EVL: variants seen among roughly 807,000 people sequenced by gnomAD.
EVL encodes ena/VASP-like protein.
A neutral mutation model predicts 59.6 loss-of-function variants in EVL; 21 were observed. The observed-to-expected ratio is 0.35, with a 90% CI of 0.25 to 0.51. EVL has a LOEUF of 0.51. EVL is among the 20% of genes least tolerant of loss of function. The probability of loss-of-function intolerance (pLI) is 0.97; values close to 1 mark genes in which losing one functional copy is unlikely to be tolerated. For missense variants in EVL, 462 were observed against 546.6 expected, an observed-to-expected ratio of 0.85 and a Z score of 1.54; for synonymous variants, 198 against 203.5, an observed-to-expected ratio of 0.97 and a Z score of 0.23.
At chr14:100,125,691 G>T (rs1888029961) in intron 4 of EVL, among the ~76,000 whole-genome samples, 1 of 151,992 alleles carries the variant, frequency 6.6e-6, no homozygotes, top group African/African-American at 2.4e-5. Context: ...GAGTAGCTGG[G>T]ATTACAGGCG....
chr14:100,122,802 A>G (rs940285677), intron 3 of EVL, among the ~76,000 whole-genome samples: 7 of 152,254 alleles, frequency 4.6e-5, no homozygotes, highest in African/African-American at 1.7e-4. Flanking sequence ...AGCCCTGCAC[A>G]GGCCCCAGCT....
chr14:100,039,140 AAAAATAG>A, intron 1 of EVL, among the ~76,000 whole-genome samples: 1 of 152,244 alleles, frequency 6.6e-6, no homozygotes, highest in East Asian at 1.9e-4. Context: ...CAAATATTTT[AAAAATAG>A]GATTCCTCAT....
chr14:99,976,357 A>G (rs76898502), intron 1 of EVL, among the ~76,000 whole-genome samples: 4,108 of 151,884 alleles, frequency 0.027, 84 homozygotes, highest in Non-Finnish European at 0.042. Context: ...TTATATTTCT[A>G]TTTGTTTCTG....
intron 3 of EVL, among the ~76,000 whole-genome samples, chr14:100,103,751 C>G (rs986692019): frequency 6.6e-6 from 1 of 152,170 alleles, no homozygotes; most frequent in Non-Finnish European, 1.5e-5. Flanking sequence ...GGCAGAGACA[C>G]AGCAGCTGAC....
chr14:99,974,748 G>A (rs963955009), intron 1 of EVL: 11 of 152,482 alleles, frequency 7.2e-5, no homozygotes, highest in African/African-American at 2.4e-4. Flanking sequence ...CTCCTTGGAT[G>A]GTAGTAGGTA....
chr14:100,105,142 G>C (rs890542254), intron 3 of EVL, among the ~76,000 whole-genome samples: 1 of 151,954 alleles, frequency 6.6e-6, no homozygotes, highest in African/African-American at 2.4e-5. Context: ...ATGCTACTTA[G>C]CATGTTTTAT....
chr14:100,011,752 T>C (rs1286123948), intron 1 of EVL, among the ~76,000 whole-genome samples: 2 of 152,214 alleles, frequency 1.3e-5, no homozygotes, highest in African/African-American at 2.4e-5. Context: ...AAGTTGCTCT[T>C]AAGGATAATC....
chr14:100,117,818 T>C (rs1000017650), intron 3 of EVL, among the ~76,000 whole-genome samples: 17 of 152,330 alleles, frequency 1.1e-4, no homozygotes, highest in African/African-American at 3.6e-4. Context: ...GGCCCAGTCC[T>C]CAGCTCAGCC....
intron 1 of EVL, among the ~76,000 whole-genome samples, chr14:100,066,054 A>G (rs867938258): frequency 6.6e-6 from 1 of 151,578 alleles, no homozygotes; most frequent in Admixed American, 6.6e-5. Context: ...TACAAACCGC[A>G]CTCCTCATTG....
intron 1 of EVL, among the ~76,000 whole-genome samples, chr14:100,069,218 T>A (rs1160085516): frequency 1.3e-5 from 2 of 152,236 alleles, no homozygotes; most frequent in East Asian, 3.8e-4. Flanking sequence ...CCAAAGTTGC[T>A]ACTCAGTGGA....
chr14:100,142,038 C>T, intron 13 of EVL: 1 of 391,530 alleles, frequency 2.6e-6, no homozygotes. Flanking sequence ...TTCCACATCC[C>T]CGGCACCTTC....
intron 2 of EVL, 113 bp from the exon 3 acceptor site, chr14:100,097,368 A>C: frequency 1.1e-6 from 1 of 907,708 alleles, no homozygotes. Flanking sequence ...TTCAAACCCC[A>C]TCCCCATCTT....
intron 1 of EVL, among the ~76,000 whole-genome samples, chr14:100,031,333 T>C (rs921176702): frequency 4.6e-5 from 7 of 152,232 alleles, no homozygotes; most frequent in Admixed American, 1.3e-4. Context: ...CTTGGGAACC[T>C]GGAAACCCTA....
chr14:100,045,607 T>C (rs960907357), intron 1 of EVL, among the ~76,000 whole-genome samples: 53 of 152,348 alleles, frequency 3.5e-4, no homozygotes, highest in African/African-American at 1.1e-3. Flanking sequence ...TTCCATTTTG[T>C]CAATGAACAC....
At chr14:100,118,161 G>A (rs1210618253) in intron 3 of EVL, among the ~76,000 whole-genome samples, 5 of 152,196 alleles carry the variant, frequency 3.3e-5, no homozygotes, top group African/African-American at 1.2e-4. Flanking sequence ...CCCATGAGCA[G>A]GTGCTCTCCT....
chr14:100,084,074 G>A (rs1389036565), intron 1 of EVL, among the ~76,000 whole-genome samples: 1 of 136,062 alleles, frequency 7.3e-6, no homozygotes, highest in Non-Finnish European at 1.5e-5. Flanking sequence ...TTTTTTCCGA[G>A]ACAGTTTCAC....
At chr14:100,118,795 C>T (rs924124301) in intron 3 of EVL, among the ~76,000 whole-genome samples, 1 of 152,204 alleles carries the variant, frequency 6.6e-6, no homozygotes, top group Non-Finnish European at 1.5e-5. Context: ...TTCTCCCCAG[C>T]TCATGGCTCC....
At chr14:100,079,938 A>T (rs1026530733) in intron 1 of EVL, among the ~76,000 whole-genome samples, 1 of 152,154 alleles carries the variant, frequency 6.6e-6, no homozygotes, top group Admixed American at 6.5e-5. Flanking sequence ...GGCATGTTCC[A>T]TCACACCCAG....
chr14:100,020,474 T>C (rs916901093), intron 1 of EVL, among the ~76,000 whole-genome samples: 1 of 151,756 alleles, frequency 6.6e-6, no homozygotes, highest in Non-Finnish European at 1.5e-5. Flanking sequence ...TGTGTGTGTG[T>C]GTGCACGCAC....
Sources: allele counts gnomAD v4.1 joint callset (sites outside exome capture counted in the v4.1 genomes callset), GRCh38; gene constraint gnomAD v4.1.1; transcripts MANE v1.5; gene names NCBI Gene and HGNC (gene_info 2026-07-23, HGNC 2026-07-21).